TANC1: variants seen among roughly 807,000 people sequenced by gnomAD.
The protein encoded by TANC1 is tetratricopeptide repeat, ankyrin repeat and coiled-coil containing 1, also known as protein TANC1.
Under a neutral mutation model 149.7 loss-of-function variants are expected in TANC1, and 77 were observed. That is an observed-to-expected ratio of 0.51 (90% CI 0.43 to 0.62). The LOEUF (loss-of-function observed/expected upper bound fraction) is 0.62, where lower values mean the gene tolerates loss of function less well. TANC1 is among the 20% of genes least tolerant of loss of function. The pLI, the probability that TANC1 is intolerant of heterozygous loss-of-function variation, is 0.00. For synonymous variants in TANC1, 854 were observed against 925.0 expected, an observed-to-expected ratio of 0.92 and a Z score of 1.39; for missense variants, 1,985 against 2,321.8, an observed-to-expected ratio of 0.85 and a Z score of 2.98.
At chr2:158,980,010 G>A (rs989813851) in intron 1 of TANC1, among the ~76,000 whole-genome samples, 4 of 152,056 alleles carry the variant, frequency 2.6e-5, no homozygotes, top group African/African-American at 9.7e-5. Flanking sequence ...AACTTAAGAG[G>A]GCCTTATTTT....
At chr2:159,005,664 G>C (rs976270360) in intron 2 of TANC1, among the ~76,000 whole-genome samples, 4 of 151,610 alleles carry the variant, frequency 2.6e-5, no homozygotes, top group African/African-American at 9.7e-5. Context: ...ATAATTTTAT[G>C]ATATAATTTT....
At chr2:159,071,142 G>A (rs1278557844) in intron 3 of TANC1, among the ~76,000 whole-genome samples, 3 of 152,088 alleles carry the variant, frequency 2.0e-5, no homozygotes, top group African/African-American at 4.8e-5. Context: ...TGTTTTGCCC[G>A]CTGTAATTCT....
At chr2:159,195,027 TGGGCATAACAGCA>T (rs2057744911) in intron 17 of TANC1, among the ~76,000 whole-genome samples, 1 of 152,166 alleles carries the variant, frequency 6.6e-6, no homozygotes, top group Admixed American at 6.5e-5. Flanking sequence ...ATCTGTAAAA[TGGGCATAACAGCA>T]GTCCCTACCA....
intron 3 of TANC1, among the ~76,000 whole-genome samples, chr2:159,074,632 C>T (rs2043467399): frequency 6.6e-6 from 1 of 152,120 alleles, no homozygotes; most frequent in African/African-American, 2.4e-5. Flanking sequence ...AGCAAATTTT[C>T]TATATGACTT....
At chr2:159,019,750 A>G (rs888261206) in intron 2 of TANC1, among the ~76,000 whole-genome samples, 6 of 138,280 alleles carry the variant, frequency 4.3e-5, no homozygotes, top group Admixed American at 1.6e-4. Context: ...CTCACAAAGT[A>G]GCTGGGACTA....
intron 2 of TANC1, among the ~76,000 whole-genome samples, chr2:159,022,755 A>G (rs2038929721): frequency 1.3e-5 from 2 of 152,128 alleles, no homozygotes; most frequent in South Asian, 4.2e-4. Flanking sequence ...TAACATAAAA[A>G]ATAGAAGTGG....
chr2:159,004,809 C>G (rs1166416527), intron 2 of TANC1, among the ~76,000 whole-genome samples: 1 of 152,052 alleles, frequency 6.6e-6, no homozygotes, highest in African/African-American at 2.4e-5. Flanking sequence ...GAATTAAAGA[C>G]AGACAGACAG....
rs1424082343 is a variant in TANC1 at position 159,230,980 on chromosome 2, C to G, written c.5554C>G (p.Pro1852Ala). The stretch of plus-strand genomic sequence containing the variant: ...CAGGAGCCACCTCACTGCAGCCAAA[C>G]CAAAGCGATCATTTATAGAGTCAAA... The part of the protein sequence containing the change: ...AHRSHLTAAK[P>A]KRSFIESNV The change falls in exon 27 of 27, where the codon CCA (proline) becomes GCA (alanine). Residue 1852 changes from proline (P) to alanine (A), a missense_variant. By Grantham distance (27) the Pro-to-Ala change is conservative. This residue lies in a region of TANC1 where 920 missense variants were observed against 994.7 expected (regional missense o/e 0.92). Transcript: ENST00000263635. This position sits in a 1 kb window ranked among gnomAD's most constrained non-coding sequence, Gnocchi z 4.4. 2.5e-6 allele frequency: 4 copies of G among 1,613,252 alleles called. No homozygotes were observed. The African/African-American group carries it at 5.3e-5, about 22-fold the overall frequency.
chr2:159,120,545 C>T (rs2048742984), intron 4 of TANC1, among the ~76,000 whole-genome samples: 1 of 152,040 alleles, frequency 6.6e-6, no homozygotes, highest in South Asian at 2.1e-4. Context: ...TTAAATATGG[C>T]TTCTCACAAG....
chr2:159,225,449 G>A (rs75948878), intron 23 of TANC1: 131 of 564,940 alleles, frequency 2.3e-4, no homozygotes, highest in Admixed American at 9.3e-4. Flanking sequence ...TTCGCTGCTC[G>A]GATGCCTTCG....
intron 7 of TANC1, among the ~76,000 whole-genome samples, chr2:159,157,207 A>G (rs1382733421): frequency 6.6e-6 from 1 of 152,128 alleles, no homozygotes; most frequent in East Asian, 1.9e-4. Flanking sequence ...CCCACCTGGG[A>G]CATTCTGTTG....
intron 19 of TANC1, among the ~76,000 whole-genome samples, chr2:159,207,680 C>T (rs2058699973): frequency 9.7e-6 from 1 of 102,598 alleles, no homozygotes; most frequent in African/African-American, 3.7e-5. Context: ...GCCTGGGCGA[C>T]TGAGCAACAC....
At chr2:159,163,665 C>A in intron 8 of TANC1, 119 bp downstream of exon 8, 2 of 1,107,308 alleles carry the variant, frequency 1.8e-6, no homozygotes, top group South Asian at 1.6e-5. Context: ...GTGGGTCAGG[C>A]ACTTACCTTT....
intron 18 of TANC1, among the ~76,000 whole-genome samples, chr2:159,198,008 G>A (rs1369763384): frequency 1.3e-5 from 2 of 152,164 alleles, no homozygotes; most frequent in Non-Finnish European, 2.9e-5. Context: ...GGGAGAACCT[G>A]TCTCCTTGCT....
chr2:159,147,171 A>G (rs2052227230), intron 5 of TANC1, among the ~76,000 whole-genome samples: 1 of 152,210 alleles, frequency 6.6e-6, no homozygotes, highest in Non-Finnish European at 1.5e-5. Context: ...GGCAGCTGCC[A>G]AATGGGAGTC....
intron 2 of TANC1, among the ~76,000 whole-genome samples, chr2:159,002,367 G>A (rs2036691982): frequency 2.0e-5 from 3 of 152,192 alleles, no homozygotes; most frequent in Admixed American, 1.3e-4. Flanking sequence ...TGGCAGTGAG[G>A]AGGACTGAAT....
intron 2 of TANC1, among the ~76,000 whole-genome samples, chr2:159,033,632 T>C (rs2039955653): frequency 6.6e-6 from 1 of 152,160 alleles, no homozygotes; most frequent in Non-Finnish European, 1.5e-5. Context: ...TGGTTGTCCC[T>C]CTATTACAGA....
At chr2:159,163,083 A>C (rs1047703351) in intron 7 of TANC1, among the ~76,000 whole-genome samples, 200 bp from the exon 8 acceptor site, 4 of 152,096 alleles carry the variant, frequency 2.6e-5, no homozygotes, top group Non-Finnish European at 5.9e-5. Flanking sequence ...TTCTCTGTAG[A>C]GTGATTTAGC....
rs372945297 is a variant in TANC1 at position 159,196,706 on chromosome 2, G to C, written c.3078G>C (p.Ser1026=). Reference sequence around the variant, plus strand: ...AGTACCTGCTGACTTGTGAGTGGTCGCCGGGTCCTCCCCAGCCAGGCACCC... The same window carrying C: ...AGTACCTGCTGACTTGTGAGTGGTCCCCGGGTCCTCCCCAGCCAGGCACCC... ...ILQYLLTCEW[S]PGPPQPGTLR... is the part of the protein sequence containing the mutation. The change falls in exon 18 of 27, where the codon TCG becomes TCC. Residue 1026 remains serine (S), a synonymous_variant. Coordinates refer to ENST00000263635, the MANE Select transcript of TANC1 (RefSeq NM_033394.3). 5 of 1,613,974 alleles carry C rather than the reference G, an allele frequency of 3.1e-6. No individual in the cohort carries two copies. In the East Asian group the frequency reaches 8.9e-5, roughly 29 times the overall value.
Sources: gnomAD v4.1 joint callset for allele counts (sites outside exome capture counted in the v4.1 genomes callset) on GRCh38, gnomAD v4.1.1 for gene constraint, gnomAD v4.1.1 regional missense constraint, Gnocchi (gnomAD v3.1) non-coding constraint, MANE v1.5 for transcripts, NCBI Gene and HGNC (gene_info 2026-07-23, HGNC 2026-07-21) for gene names.